The following DLG1 variants were observed in gnomAD, a reference collection of about 807,000 sequenced individuals.
DLG1 encodes the protein discs large MAGUK scaffold protein 1.
A neutral mutation model predicts 123.4 loss-of-function variants in DLG1; 42 were observed. The observed-to-expected ratio is 0.34, with a 90% CI of 0.27 to 0.44. The LOEUF is 0.44. Ranked by LOEUF, DLG1 falls within the 20% of genes least tolerant of loss-of-function variation. DLG1 has a pLI of 1.00. For missense variants in DLG1, 942 were observed against 1,082.6 expected (o/e 0.87, Z 1.82); for synonymous variants, 317 against 356.2 (o/e 0.89, Z 1.24).
In DLG1 at chr3:197,120,365, A is replaced by G. The variant is rs76102408; in HGVS notation, c.1166-835T>C. ...AGGTTTTCCATTCTAGCAAAAGCTA[A>G]TAACAGAAAATTATAGTGATTCCTG... On this transcript the variant is annotated intron_variant, in intron 11 of 24. Transcript: ENST00000667157. Among the ~76,000 whole-genome samples, 701 of 152,290 alleles carry G rather than the reference A, an allele frequency of 4.6e-3. 24 individuals are homozygous for G. The East Asian group carries it at 0.065, about 14-fold the overall frequency.
chr3:197,128,152 C>T (rs1040446768), intron 11 of DLG1, among the ~76,000 whole-genome samples: 3 of 152,188 alleles, frequency 2.0e-5, no homozygotes, highest in Admixed American at 1.3e-4. Flanking sequence ...GCATTTTACC[C>T]ACAGTAGAAC....
At chr3:197,290,075 C>T (rs1774065575) in intron 3 of DLG1, among the ~76,000 whole-genome samples, 2 of 151,856 alleles carry the variant, frequency 1.3e-5, no homozygotes, top group Non-Finnish European at 2.9e-5. Flanking sequence ...ATGAGGGCAT[C>T]TCATAAGGAC....
At chr3:197,233,278 TAA>T (rs1744204398) in intron 4 of DLG1, among the ~76,000 whole-genome samples, 1 of 152,186 alleles carries the variant, frequency 6.6e-6, no homozygotes. Context: ...TAATAGAAAT[TAA>T]AGATGATTTA....
chr3:197,194,732 T>C (rs937171939), intron 4 of DLG1, 143 bp from the exon 5 acceptor site: 21 of 485,746 alleles, frequency 4.3e-5, no homozygotes, highest in Admixed American at 1.7e-4. Context: ...CTCAGAGAAA[T>C]AGGATTTTAC....
intron 5 of DLG1, among the ~76,000 whole-genome samples, chr3:197,180,895 G>T (rs977410179): frequency 1.3e-5 from 2 of 151,888 alleles, no homozygotes; most frequent in African/African-American, 4.8e-5. Flanking sequence ...GAGGTGAATG[G>T]AATAAAAATT....
At chr3:197,152,022 T>C (rs1454960751) in intron 5 of DLG1, among the ~76,000 whole-genome samples, 1 of 152,246 alleles carries the variant, frequency 6.6e-6, no homozygotes, top group African/African-American at 2.4e-5. Flanking sequence ...AAGTTGGAAC[T>C]ATACACAATG....
chr3:197,136,935 C>A (rs1785328909), intron 9 of DLG1, among the ~76,000 whole-genome samples: 1 of 152,200 alleles, frequency 6.6e-6, no homozygotes, highest in Non-Finnish European at 1.5e-5. Context: ...ACTTGTTATT[C>A]CAAAGTGACA....
chr3:197,138,593 A>C (rs975312149), intron 8 of DLG1, among the ~76,000 whole-genome samples: 4 of 152,062 alleles, frequency 2.6e-5, no homozygotes, highest in African/African-American at 9.7e-5. Context: ...GGCCAGCAAA[A>C]GGAACAAAAG....
At chr3:197,283,796 TAGTCCTTTTAA>T (rs1270564652) in intron 3 of DLG1, among the ~76,000 whole-genome samples, 6 of 151,926 alleles carry the variant, frequency 3.9e-5, no homozygotes, top group African/African-American at 1.2e-4. Context: ...TTAAAAGCAT[TAGTCCTTTTAA>T]AAACAAACTT....
chr3:197,133,887 G>A (rs898025879), intron 10 of DLG1, among the ~76,000 whole-genome samples: 9 of 152,186 alleles, frequency 5.9e-5, no homozygotes, highest in Admixed American at 2.0e-4. Flanking sequence ...CAATTAAGAT[G>A]AGGACTGAGA....
At chr3:197,226,071 T>C (rs1739754710) in intron 4 of DLG1, 2 of 152,472 alleles carry the variant, frequency 1.3e-5, no homozygotes, top group African/African-American at 4.8e-5. Flanking sequence ...CAAAGCATTC[T>C]TTTTAAAAAA....
chr3:197,049,747 C>T (rs1305408571), intron 24 of DLG1, among the ~76,000 whole-genome samples: 2 of 151,540 alleles, frequency 1.3e-5, no homozygotes, highest in African/African-American at 4.9e-5. Flanking sequence ...ACTCCATCTC[C>T]AAAAACAAAA....
At chr3:197,289,427 T>C (rs1392019194) in intron 3 of DLG1, among the ~76,000 whole-genome samples, 1 of 152,202 alleles carries the variant, frequency 6.6e-6, no homozygotes, top group Non-Finnish European at 1.5e-5. Flanking sequence ...CTGGTGTGAA[T>C]ATTTTCTTAT....
intron 23 of DLG1, among the ~76,000 whole-genome samples, chr3:197,053,835 G>A (rs1186291216): frequency 6.7e-6 from 1 of 149,434 alleles, no homozygotes; most frequent in Non-Finnish European, 1.5e-5. Context: ...ATTTACACCT[G>A]GAATCCCAGC....
At chr3:197,127,440 AAAAAAAAAAAAAAAAAAATATATATAT>A (rs1266318324) in intron 11 of DLG1, among the ~76,000 whole-genome samples, 139 of 40,494 alleles carry the variant, frequency 3.4e-3, no homozygotes, top group Non-Finnish European at 4.9e-3. Flanking sequence ...AAAAAAAAAA[AAAAAAAAAAAAAAAAAAATATATATAT>A]ATATATATAT....
At chr3:197,276,511 C>G (rs1051865832) in intron 4 of DLG1, among the ~76,000 whole-genome samples, 3 of 152,196 alleles carry the variant, frequency 2.0e-5, no homozygotes, top group African/African-American at 7.2e-5. Context: ...TGTGGCTGAG[C>G]ATTTCTTCAT....
intron 13 of DLG1, among the ~76,000 whole-genome samples, chr3:197,109,127 G>C (rs762670692): frequency 4.6e-5 from 7 of 152,140 alleles, no homozygotes; most frequent in Non-Finnish European, 8.8e-5. Flanking sequence ...TCAGGCAAAA[G>C]GACTGAAGCA....
chr3:197,271,006 G>T (rs750465634), intron 4 of DLG1, among the ~76,000 whole-genome samples: 2 of 152,124 alleles, frequency 1.3e-5, no homozygotes, highest in African/African-American at 4.8e-5. Flanking sequence ...TCATTTAAAG[G>T]GGGGGAAAAG....
intron 10 of DLG1, among the ~76,000 whole-genome samples, chr3:197,135,537 C>G (rs774893528): frequency 1.3e-5 from 2 of 152,106 alleles, no homozygotes; most frequent in Non-Finnish European, 2.9e-5. Context: ...TATAAATTAC[C>G]CAGTCTCGGG....
Sources: allele counts gnomAD v4.1 joint callset (sites outside exome capture counted in the v4.1 genomes callset), GRCh38; gene constraint gnomAD v4.1.1; transcripts MANE v1.5; gene names NCBI Gene and HGNC (gene_info 2026-07-23, HGNC 2026-07-21).